PPARGC1A: variants seen among roughly 807,000 people sequenced by gnomAD.
The protein encoded by PPARGC1A is PPARG coactivator 1 alpha, also known as peroxisome proliferator-activated receptor gamma coactivator 1-alpha.
A neutral mutation model predicts 88.7 loss-of-function variants in PPARGC1A; 25 were observed. That is an observed-to-expected ratio of 0.28 (90% CI 0.21 to 0.39). PPARGC1A has a LOEUF of 0.39. Ranked by LOEUF, PPARGC1A falls within the 10% of genes least tolerant of loss-of-function variation. The pLI is 1.00. For missense variants in PPARGC1A, 880 were observed against 968.7 expected (o/e 0.91, Z 1.22); for synonymous variants, 363 against 355.6 (o/e 1.02, Z -0.24).
the PPARGC1A span, among the ~76,000 whole-genome samples, chr4:24,421,625 G>C: frequency 6.6e-6 from 1 of 152,086 alleles, no homozygotes. Context: ...GTTTACATTT[G>C]ATCCAACAAC....
chr4:24,034,852 T>C, the PPARGC1A span, among the ~76,000 whole-genome samples: 1 of 152,212 alleles, frequency 6.6e-6, no homozygotes, highest in Non-Finnish European at 1.5e-5. Flanking sequence ...AAGTGGCACA[T>C]ACAGTCATCG....
chr4:24,014,466 C>T, the PPARGC1A span, among the ~76,000 whole-genome samples: 3 of 152,136 alleles, frequency 2.0e-5, no homozygotes, highest in Admixed American at 2.0e-4. Flanking sequence ...CTTTTATTAT[C>T]TCATGGTTTC....
At chr4:23,903,123 G>C (rs116778316), upstream of PPARGC1A, among the ~76,000 whole-genome samples, 1,374 of 152,170 alleles carry the variant, frequency 9.0e-3, 18 homozygotes, top group African/African-American at 0.032. Flanking sequence ...CCTACACTGG[G>C]GGAAAGATTA....
chr4:24,220,006 TAAGG>T, the PPARGC1A span, among the ~76,000 whole-genome samples: 1 of 152,034 alleles, frequency 6.6e-6, no homozygotes, highest in Non-Finnish European at 1.5e-5. Flanking sequence ...CCATAATCTA[TAAGG>T]AACTTAAACA....
the PPARGC1A span, among the ~76,000 whole-genome samples, chr4:23,967,478 G>T: frequency 2.0e-5 from 3 of 152,124 alleles, no homozygotes; most frequent in Non-Finnish European, 2.9e-5. Flanking sequence ...CAGCTCCAGT[G>T]CTGATGGGAT....
At chr4:24,440,556 C>T in the PPARGC1A span, among the ~76,000 whole-genome samples, 5 of 152,158 alleles carry the variant, frequency 3.3e-5, no homozygotes, top group Non-Finnish European at 7.3e-5. Context: ...AATCCCAGCA[C>T]TTTGGGAGGC....
the PPARGC1A span, among the ~76,000 whole-genome samples, chr4:24,400,495 T>C: frequency 1.0e-3 from 156 of 152,354 alleles, 1 homozygote; most frequent in African/African-American, 3.5e-3. Flanking sequence ...TTGTGGGATC[T>C]TGTAATTGTC....
At chr4:24,454,512 G>A in the PPARGC1A span, among the ~76,000 whole-genome samples, 1 of 152,072 alleles carries the variant, frequency 6.6e-6, no homozygotes, top group South Asian at 2.1e-4. Flanking sequence ...GAGATGGGAG[G>A]ATCACTTGAG....
At chr4:24,074,250 GA>G in the PPARGC1A span, among the ~76,000 whole-genome samples, 1 of 152,110 alleles carries the variant, frequency 6.6e-6, no homozygotes, top group Non-Finnish European at 1.5e-5. Flanking sequence ...ACCCTACGGA[GA>G]ACCAATTTCT....
chr4:24,329,689 A>G, the PPARGC1A span, among the ~76,000 whole-genome samples: 1 of 152,322 alleles, frequency 6.6e-6, no homozygotes, highest in East Asian at 1.9e-4. Context: ...ACAAGCGTGA[A>G]TAATTACTAT....
At chr4:23,931,485 G>C in the PPARGC1A span, among the ~76,000 whole-genome samples, 15 of 152,036 alleles carry the variant, frequency 9.9e-5, no homozygotes, top group South Asian at 2.9e-3. Context: ...AAAAGTTAAG[G>C]CACATATTTT....
At chr4:24,269,428 G>A in the PPARGC1A span, among the ~76,000 whole-genome samples, 6,895 of 152,190 alleles carry the variant, frequency 0.045, 213 homozygotes, top group Middle Eastern at 0.089. Flanking sequence ...ATTCATGTCA[G>A]ATATAAGATG....
chr4:24,000,643 T>C, the PPARGC1A span, among the ~76,000 whole-genome samples: 1 of 152,110 alleles, frequency 6.6e-6, no homozygotes, highest in Non-Finnish European at 1.5e-5. Context: ...CATTATCCAA[T>C]AGGATTTTTT....
the PPARGC1A span, among the ~76,000 whole-genome samples, chr4:24,088,010 G>C: frequency 2.0e-5 from 3 of 152,266 alleles, no homozygotes; most frequent in South Asian, 6.2e-4. Context: ...TCACATTATT[G>C]TGAGATGAAA....
the PPARGC1A span, among the ~76,000 whole-genome samples, chr4:24,100,803 C>A: frequency 6.6e-6 from 1 of 152,180 alleles, no homozygotes; most frequent in East Asian, 1.9e-4. Flanking sequence ...CATGGCTGTT[C>A]ATTTTTTTCT....
At chr4:23,850,564 G>C (rs1269252545) in intron 2 of PPARGC1A, among the ~76,000 whole-genome samples, 1 of 152,094 alleles carries the variant, frequency 6.6e-6, no homozygotes, top group African/African-American at 2.4e-5. Context: ...TACATCTTTG[G>C]CCTTGAAGAA....
the PPARGC1A span, among the ~76,000 whole-genome samples, chr4:24,039,440 A>G: frequency 1.3e-5 from 2 of 152,148 alleles, no homozygotes; most frequent in Non-Finnish European, 2.9e-5. Context: ...TCCCTTCTGG[A>G]TAGTTCTAGA....
the PPARGC1A span, among the ~76,000 whole-genome samples, chr4:24,443,998 A>C: frequency 6.6e-6 from 1 of 152,222 alleles, no homozygotes; most frequent in Non-Finnish European, 1.5e-5. Context: ...TGTTGCAAAA[A>C]GGACAAGTCA....
the PPARGC1A span, among the ~76,000 whole-genome samples, chr4:24,390,988 T>C: frequency 9.9e-5 from 15 of 152,104 alleles, no homozygotes; most frequent in Admixed American, 2.6e-4. Flanking sequence ...AAGGCCTGTT[T>C]TGAGTACTTC....
Sources: allele counts gnomAD v4.1 joint callset (sites outside exome capture counted in the v4.1 genomes callset), GRCh38; gene constraint gnomAD v4.1.1; transcripts MANE v1.5; gene names NCBI Gene and HGNC (gene_info 2026-07-23, HGNC 2026-07-21).